The following MAML3 variants were observed in gnomAD, a reference collection of about 807,000 sequenced individuals.
MAML3 encodes mastermind like transcriptional coactivator 3.
In MAML3, 27 loss-of-function variants were observed where a neutral mutation model predicts 101.9. The ratio of observed to expected loss-of-function variants is 0.27; its 90% CI spans 0.20 to 0.37. MAML3 has a LOEUF of 0.37. Ranked by LOEUF, MAML3 falls within the 10% of genes least tolerant of loss-of-function variation. The pLI is 1.00. For synonymous variants in MAML3, 501 were observed against 555.9 expected, an observed-to-expected ratio of 0.90 and a Z score of 1.39; for missense variants, 1,316 against 1,444.9, an observed-to-expected ratio of 0.91 and a Z score of 1.45.
At position 139,740,035 on chromosome 4, in the gene MAML3, C is replaced by T. The variant is rs112004832; in HGVS notation, c.2080-9368G>A. Among the ~76,000 whole-genome samples the T allele has an allele frequency of 2.6e-3, 394 of 152,244 alleles. 2 individuals carry two copies. Among genetic ancestry groups the T allele is most frequent in the Middle Eastern group, 6.8e-3 (2 of 294 alleles). Reference sequence around the variant, plus strand: ...CCCTTTTAAAACCTGTACATGGCTTCCACAACTGGGCTTGGATACAGGTTC... The same window carrying T: ...CCCTTTTAAAACCTGTACATGGCTTTCACAACTGGGCTTGGATACAGGTTC... On this transcript the variant is annotated intron_variant, in intron 2 of 4. Transcript: ENST00000509479.
chr4:139,849,988 T>C (rs7685076), intron 2 of MAML3, among the ~76,000 whole-genome samples: 6,455 of 152,292 alleles, frequency 0.042, 447 homozygotes, highest in African/African-American at 0.15. Context: ...AAAATGTGTT[T>C]CATGTCTTAC....
intron 2 of MAML3, among the ~76,000 whole-genome samples, chr4:139,799,631 A>G (rs1730570695): frequency 6.6e-6 from 1 of 152,230 alleles, no homozygotes; most frequent in African/African-American, 2.4e-5. Flanking sequence ...TATAAATTAG[A>G]AATGGATGAG....
intron 2 of MAML3, among the ~76,000 whole-genome samples, chr4:139,752,734 G>A (rs1255471048): frequency 6.6e-6 from 1 of 152,060 alleles, no homozygotes; most frequent in African/African-American, 2.4e-5. Context: ...ATCGAAGATC[G>A]CAGCACTAAC....
chr4:139,870,187 A>G (rs529301074), intron 2 of MAML3, among the ~76,000 whole-genome samples: 2 of 152,302 alleles, frequency 1.3e-5, no homozygotes, highest in East Asian at 1.9e-4. Flanking sequence ...TTTGGGCTAG[A>G]TAATGCTTTG....
At chr4:139,786,749 T>C (rs1730310784) in intron 2 of MAML3, among the ~76,000 whole-genome samples, 1 of 152,234 alleles carries the variant, frequency 6.6e-6, no homozygotes, top group South Asian at 2.1e-4. Context: ...TAGTTACTTA[T>C]ATTTGGGAAA....
chr4:139,968,151 C>T (rs1370924572), intron 1 of MAML3, among the ~76,000 whole-genome samples: 5 of 151,294 alleles, frequency 3.3e-5, no homozygotes, highest in East Asian at 1.9e-4. Flanking sequence ...TGGGGGCACA[C>T]GCCTATAGTC....
At chr4:139,763,012 C>T (rs4863509) in intron 2 of MAML3, among the ~76,000 whole-genome samples, 149,371 of 152,270 alleles carry the variant, frequency 0.98, 73,329 homozygotes, top group Middle Eastern at 1. Flanking sequence ...AGGCCTGCAA[C>T]TGGCTGATCT....
chr4:139,877,306 T>C (rs1301191850), intron 2 of MAML3, among the ~76,000 whole-genome samples: 1 of 151,966 alleles, frequency 6.6e-6, no homozygotes, highest in Admixed American at 6.6e-5. Flanking sequence ...CAAAATATAA[T>C]AGAGTATCTT....
chr4:139,845,741 G>A (rs1489676732), intron 2 of MAML3, among the ~76,000 whole-genome samples: 2 of 152,156 alleles, frequency 1.3e-5, no homozygotes, highest in African/African-American at 4.8e-5. Flanking sequence ...GAATGGTATA[G>A]AATAGTTTCA....
intron 1 of MAML3, among the ~76,000 whole-genome samples, chr4:140,092,627 C>A (rs1258575722): frequency 6.6e-6 from 1 of 152,202 alleles, no homozygotes; most frequent in Non-Finnish European, 1.5e-5. Flanking sequence ...CTGTCATTTG[C>A]GTTTCAATGT....
chr4:140,069,565 G>A (rs1727606286), intron 1 of MAML3, among the ~76,000 whole-genome samples: 1 of 123,020 alleles, frequency 8.1e-6, no homozygotes, highest in East Asian at 2.4e-4. Flanking sequence ...GAGGGGAGGA[G>A]GAGGAGGGGA....
intron 1 of MAML3, 61 bp downstream of exon 1, chr4:140,152,798 GC>G: frequency 6.4e-7 from 1 of 1,555,826 alleles, no homozygotes; most frequent in Non-Finnish European, 8.7e-7. Flanking sequence ...AGCTCCACGC[GC>G]CCCCCACCAC....
intron 1 of MAML3, among the ~76,000 whole-genome samples, chr4:139,958,049 G>C (rs577879560): frequency 6.6e-6 from 1 of 152,296 alleles, no homozygotes; most frequent in Admixed American, 6.5e-5. Context: ...AAGTTTTCCT[G>C]AGTGAATTCC....
intron 1 of MAML3, among the ~76,000 whole-genome samples, chr4:139,896,130 G>A (rs745700571): frequency 5.3e-5 from 8 of 152,096 alleles, no homozygotes; most frequent in East Asian, 1.9e-4. Flanking sequence ...AGAGGGAGGC[G>A]GAGAGGGAGA....
chr4:139,887,083 A>G (rs1732357943), intron 2 of MAML3, among the ~76,000 whole-genome samples: 1 of 152,220 alleles, frequency 6.6e-6, no homozygotes, highest in Non-Finnish European at 1.5e-5. Context: ...CCTATGTATA[A>G]TTATATTTTA....
At chr4:139,768,407 T>G (rs1284309158) in intron 2 of MAML3, among the ~76,000 whole-genome samples, 1 of 152,186 alleles carries the variant, frequency 6.6e-6, no homozygotes, top group East Asian at 1.9e-4. Flanking sequence ...CAGGTTCTTG[T>G]AAAAAATAAC....
chr4:139,738,475 G>A (rs902477832), intron 2 of MAML3, among the ~76,000 whole-genome samples: 4 of 152,112 alleles, frequency 2.6e-5, no homozygotes, highest in South Asian at 2.1e-4. Flanking sequence ...CCTGGGAGGC[G>A]GAGGTTGCAG....
chr4:139,755,727 C>A (rs940780504), intron 2 of MAML3, among the ~76,000 whole-genome samples: 1 of 152,110 alleles, frequency 6.6e-6, no homozygotes, highest in African/African-American at 2.4e-5. Context: ...CAGGGCCCTG[C>A]GCAGTCTGTT....
chr4:139,890,935 T>G lies in MAML3; in HGVS notation c.501A>C (p.Gly167=). ...GGTCTCCATTAAGTGGTGATCGAGCTCCTTCCAACTTCCTTTTCACAGTCT... is the reference window on the plus strand; with the variant it reads ...GGTCTCCATTAAGTGGTGATCGAGCGCCTTCCAACTTCCTTTTCACAGTCT... ...LQETVKRKLE[G]ARSPLNGDQQ... is the part of the protein sequence containing the mutation. The change falls in exon 2 of 5, where the codon GGA becomes GGC. Residue 167 remains glycine, a synonymous_variant. Transcript: ENST00000509479. The surrounding 1 kb of genome is among the most constrained non-coding windows in gnomAD (Gnocchi z 4.1). 1 of 1,613,026 alleles carries G rather than the reference T, an allele frequency of 6.2e-7. No homozygotes were observed. Among genetic ancestry groups the G allele is most frequent in the Non-Finnish European group, 8.5e-7 (1 of 1,179,310 alleles).
Sources: allele counts gnomAD v4.1 joint callset (sites outside exome capture counted in the v4.1 genomes callset), GRCh38; gene constraint gnomAD v4.1.1; non-coding constraint Gnocchi (gnomAD v3.1); transcripts MANE v1.5; gene names NCBI Gene and HGNC (gene_info 2026-07-23, HGNC 2026-07-21).